TAFA1: variants seen among roughly 807,000 people sequenced by gnomAD.
TAFA1 encodes TAFA chemokine like family member 1.
TAFA1 carries 4 observed loss-of-function variants against 18.5 expected under a neutral mutation model. The observed-to-expected ratio is 0.22, with a 90% CI of 0.11 to 0.49. The LOEUF (loss-of-function observed/expected upper bound fraction) is 0.49. Ranked by LOEUF, TAFA1 falls within the 20% of genes least tolerant of loss-of-function variation. TAFA1 has a pLI of 0.98. For missense variants in TAFA1, 147 were observed against 169.0 expected (o/e 0.87, Z 0.72); for synonymous variants, 56 against 55.2 (o/e 1.01, Z -0.06).
At chr3:68,282,144 G>A (rs7647476) in intron 2 of TAFA1, among the ~76,000 whole-genome samples, 1 of 152,140 alleles carries the variant, frequency 6.6e-6, no homozygotes, top group Non-Finnish European at 1.5e-5. Flanking sequence ...AAGAACAGCA[G>A]CATGGGGGTA....
intron 2 of TAFA1, among the ~76,000 whole-genome samples, chr3:68,060,971 A>C (rs1250113629): frequency 6.6e-6 from 1 of 152,200 alleles, no homozygotes; most frequent in Non-Finnish European, 1.5e-5. Context: ...ACATAGGTTC[A>C]AGTGTGTACT....
At chr3:68,084,889 T>A (rs1559514400) in intron 2 of TAFA1, among the ~76,000 whole-genome samples, 2 of 152,108 alleles carry the variant, frequency 1.3e-5, no homozygotes, top group Admixed American at 1.3e-4. Context: ...TACTCTTTAC[T>A]CTTTAGTTCT....
intron 2 of TAFA1, among the ~76,000 whole-genome samples, chr3:68,099,780 A>AT (rs1367761731): frequency 6.6e-6 from 1 of 152,208 alleles, no homozygotes; most frequent in Non-Finnish European, 1.5e-5. Flanking sequence ...GACAAAGAAA[A>AT]TTTGGTACAT....
chr3:68,384,811 A>G (rs964559770), intron 2 of TAFA1, among the ~76,000 whole-genome samples: 2 of 150,262 alleles, frequency 1.3e-5, no homozygotes, highest in Non-Finnish European at 3.0e-5. Context: ...AGTCTCTTCT[A>G]AGGTGTTCAA....
chr3:68,350,324 CTTAT>C (rs1174429206), intron 2 of TAFA1, among the ~76,000 whole-genome samples: 25 of 152,188 alleles, frequency 1.6e-4, no homozygotes, highest in Admixed American at 2.0e-4. Flanking sequence ...AAATGCTGTT[CTTAT>C]TTAATTATGT....
chr3:68,154,671 T>C (rs943569890), intron 2 of TAFA1, among the ~76,000 whole-genome samples: 3 of 152,196 alleles, frequency 2.0e-5, no homozygotes, highest in African/African-American at 7.2e-5. Flanking sequence ...GCTAATACTC[T>C]AGGCTTTGCC....
At chr3:68,368,263 A>T (rs942961469) in intron 2 of TAFA1, among the ~76,000 whole-genome samples, 1 of 152,160 alleles carries the variant, frequency 6.6e-6, no homozygotes, top group African/African-American at 2.4e-5. Flanking sequence ...AATAAACCCA[A>T]TACATTAATG....
chr3:68,462,579 A>G (rs899060274), intron 3 of TAFA1, among the ~76,000 whole-genome samples: 5 of 152,202 alleles, frequency 3.3e-5, no homozygotes, highest in African/African-American at 1.2e-4. Flanking sequence ...AAAGACTAAT[A>G]TAGTAACTGA....
At chr3:68,386,908 G>C (rs1429398790) in intron 2 of TAFA1, among the ~76,000 whole-genome samples, 2 of 152,100 alleles carry the variant, frequency 1.3e-5, no homozygotes, top group African/African-American at 4.8e-5. Flanking sequence ...CAATTTGCAA[G>C]ACTCTTTAGT....
chr3:68,127,071 A>G (rs1425510059), intron 2 of TAFA1, among the ~76,000 whole-genome samples: 5 of 152,228 alleles, frequency 3.3e-5, no homozygotes, highest in Non-Finnish European at 7.3e-5. Flanking sequence ...TCACTGCCAG[A>G]ACAATTAGTG....
intron 2 of TAFA1, among the ~76,000 whole-genome samples, chr3:68,065,407 T>C (rs959579857): frequency 1.5e-4 from 23 of 152,064 alleles, no homozygotes; most frequent in African/African-American, 5.3e-4. Flanking sequence ...TGACGGGCAA[T>C]GTATTGGGTG....
intron 3 of TAFA1, among the ~76,000 whole-genome samples, chr3:68,481,216 C>T (rs2072231431): frequency 6.6e-6 from 1 of 152,142 alleles, no homozygotes; most frequent in Non-Finnish European, 1.5e-5. Flanking sequence ...GATTCTGTGA[C>T]AACAAAGCCA....
At chr3:68,030,505 A>G (rs1704910071) in intron 2 of TAFA1, among the ~76,000 whole-genome samples, 1 of 152,110 alleles carries the variant, frequency 6.6e-6, no homozygotes. Context: ...ATGAGTGAGA[A>G]CATGCAGTGT....
chr3:68,307,807 C>T (rs1430104996), intron 2 of TAFA1, among the ~76,000 whole-genome samples: 1 of 151,588 alleles, frequency 6.6e-6, no homozygotes, highest in Non-Finnish European at 1.5e-5. Context: ...AAGGGGTGAG[C>T]TCCATGTGAG....
intron 2 of TAFA1, among the ~76,000 whole-genome samples, chr3:68,148,517 C>G (rs2065769106): frequency 1.3e-5 from 2 of 152,320 alleles, no homozygotes; most frequent in South Asian, 2.1e-4. Context: ...GGCCCTTGAT[C>G]TCATCTGTGC....
chr3:68,457,185 C>G (rs2071681844), intron 3 of TAFA1, among the ~76,000 whole-genome samples: 1 of 152,204 alleles, frequency 6.6e-6, no homozygotes, highest in Non-Finnish European at 1.5e-5. Flanking sequence ...CTATGTGCTA[C>G]AGTTAATTTT....
intron 3 of TAFA1, among the ~76,000 whole-genome samples, chr3:68,463,285 C>T (rs2071819622): frequency 1.3e-5 from 2 of 152,060 alleles, no homozygotes; most frequent in South Asian, 4.1e-4. Context: ...CAATAGATGT[C>T]AGAAAAAAGT....
At chr3:67,999,287 C>CTGTG (rs796820506), upstream of TAFA1, among the ~76,000 whole-genome samples, 15 of 147,652 alleles carry the variant, frequency 1.0e-4, no homozygotes, top group African/African-American at 2.3e-4. Flanking sequence ...CCCCCTCTCT[C>CTGTG]TGTGTGTGTG....
In TAFA1 at chr3:68,143,814, G is replaced by A. The variant is rs531663796; in HGVS notation, c.118+137070G>A. 1.1e-3 allele frequency among the ~76,000 whole-genome samples: 170 copies of A among 152,294 alleles called. 1 individual carries two copies. Among genetic ancestry groups the A allele is most frequent in the African/African-American group, 4.0e-3 (165 of 41,572 alleles). On this transcript the variant is annotated intron_variant, in intron 2 of 4. Coordinates refer to ENST00000478136, the MANE Select transcript of TAFA1 (RefSeq NM_213609.4). ...GGGTCATTCCTGGAGACAAAGGAAT[G>A]CACTAAATGACCTCCTAAGATCCCT...
Sources: gnomAD v4.1 joint callset for allele counts (sites outside exome capture counted in the v4.1 genomes callset) on GRCh38, gnomAD v4.1.1 for gene constraint, MANE v1.5 for transcripts, NCBI Gene and HGNC (gene_info 2026-07-23, HGNC 2026-07-21) for gene names.